The following CSMD1 variants were observed in gnomAD, a reference collection of about 807,000 sequenced individuals.
CSMD1 encodes the protein CUB and sushi domain-containing protein 1.
In CSMD1, 213 loss-of-function variants were observed where a neutral mutation model predicts 417.5. The ratio of observed to expected loss-of-function variants is 0.51; its 90% confidence interval spans 0.46 to 0.57. The LOEUF is 0.57. Among genes scored for constraint, CSMD1 ranks in the 20% least tolerant of loss-of-function variants. The pLI, the probability that CSMD1 is intolerant of heterozygous loss-of-function variation, is 0.00. For synonymous variants in CSMD1, 2,862 were observed against 1,736.8 expected, an observed-to-expected ratio of 1.65 and a Z score of -16.11; for missense variants, 6,923 against 4,529.7, an observed-to-expected ratio of 1.53 and a Z score of -15.17.
chr8:4,302,918 T>C (rs1280664595), intron 3 of CSMD1, among the ~76,000 whole-genome samples: 1 of 152,086 alleles, frequency 6.6e-6, no homozygotes, highest in African/African-American at 2.4e-5. Flanking sequence ...AAGACAGATT[T>C]TTTTTTTCTG....
intron 1 of CSMD1, among the ~76,000 whole-genome samples, chr8:4,943,772 C>T (rs143568193): frequency 1.3e-5 from 2 of 152,172 alleles, no homozygotes; most frequent in East Asian, 1.9e-4. Context: ...GTTACTTTCC[C>T]TGAAAATTGC....
At chr8:4,580,854 A>C (rs1799380911) in intron 2 of CSMD1, among the ~76,000 whole-genome samples, 1 of 152,232 alleles carries the variant, frequency 6.6e-6, no homozygotes, top group African/African-American at 2.4e-5. Flanking sequence ...ACTGGATTGT[A>C]AATTCACGGA....
chr8:3,449,537 G>A (rs975296772), intron 12 of CSMD1, among the ~76,000 whole-genome samples: 1 of 148,992 alleles, frequency 6.7e-6, no homozygotes, highest in African/African-American at 2.5e-5. Context: ...TTTTTTTTAA[G>A]ATGGAGTTTC....
chr8:3,242,574 C>A (rs1463703413), intron 26 of CSMD1, among the ~76,000 whole-genome samples: 1 of 151,974 alleles, frequency 6.6e-6, no homozygotes. Context: ...CGAGTTTGTA[C>A]TGGGGTCAAG....
chr8:4,058,577 A>G (rs12678879), intron 3 of CSMD1, among the ~76,000 whole-genome samples: 31,963 of 151,528 alleles, frequency 0.21, 4,291 homozygotes, highest in Admixed American at 0.42. Context: ...TATAGGCTCA[A>G]AATAAAAGGA....
chr8:4,559,501 G>T (rs993490484), intron 2 of CSMD1, among the ~76,000 whole-genome samples: 1 of 152,144 alleles, frequency 6.6e-6, no homozygotes, highest in East Asian at 1.9e-4. Flanking sequence ...CCTTTAGAAA[G>T]GTGAGAGACG....
At chr8:3,624,349 G>A (rs993849397) in intron 7 of CSMD1, among the ~76,000 whole-genome samples, 8 of 152,086 alleles carry the variant, frequency 5.3e-5, no homozygotes, top group Non-Finnish European at 1.2e-4. Context: ...GCCACAGATT[G>A]GCTTGAATGT....
At chr8:3,563,040 C>T (rs746442229) in intron 10 of CSMD1, among the ~76,000 whole-genome samples, 11 of 151,748 alleles carry the variant, frequency 7.2e-5, no homozygotes, top group Non-Finnish European at 1.3e-4. Flanking sequence ...GAATGCAATG[C>T]CATTCTTTGC....
At chr8:3,526,503 C>G (rs921767127) in intron 10 of CSMD1, among the ~76,000 whole-genome samples, 49 of 152,230 alleles carry the variant, frequency 3.2e-4, no homozygotes, top group African/African-American at 1.2e-3. Context: ...ACCAAGCATC[C>G]TACATAAAAC....
intron 6 of CSMD1, among the ~76,000 whole-genome samples, chr8:3,730,345 T>C (rs567911488): frequency 2.0e-5 from 3 of 148,740 alleles, no homozygotes; most frequent in South Asian, 4.3e-4. Flanking sequence ...ATTCTCCTCA[T>C]GCTCCCAAAA....
Position 3,820,343 on chromosome 8 carries a change from T to C in CSMD1, c.819-66301A>G, listed in dbSNP as rs145223320. 1.1e-3 allele frequency among the ~76,000 whole-genome samples: 170 copies of C among 152,184 alleles called. 1 individual carries two copies. The highest frequency in any genetic ancestry group is 4.8e-3 in the South Asian group (23 of 4,778). ...AGATGAATTCCTCTTAGATATATGG[T>C]GTTTGAACTGGGATATATGGTGTTT... On this transcript the variant is annotated intron_variant, in intron 5 of 69. Coordinates refer to ENST00000635120, the MANE Select transcript of CSMD1 (RefSeq NM_033225.6).
At chr8:3,782,119 G>C (rs146835474) in intron 5 of CSMD1, among the ~76,000 whole-genome samples, 21 of 152,092 alleles carry the variant, frequency 1.4e-4, no homozygotes, top group African/African-American at 5.1e-4. Context: ...AGAATGTAGG[G>C]GTCATATAAT....
intron 2 of CSMD1, among the ~76,000 whole-genome samples, chr8:4,507,559 A>G (rs2130321007): frequency 6.6e-6 from 1 of 152,322 alleles, no homozygotes; most frequent in South Asian, 2.1e-4. Context: ...ATTCTTATGC[A>G]TGGACATGCA....
At chr8:3,681,649 A>C (rs1799669346) in intron 7 of CSMD1, among the ~76,000 whole-genome samples, 1 of 152,170 alleles carries the variant, frequency 6.6e-6, no homozygotes, top group Non-Finnish European at 1.5e-5. Flanking sequence ...CATCCCCATC[A>C]AGCTACCAAT....
At chr8:4,225,516 T>A (rs1401110424) in intron 3 of CSMD1, among the ~76,000 whole-genome samples, 1 of 151,964 alleles carries the variant, frequency 6.6e-6, no homozygotes, top group Non-Finnish European at 1.5e-5. Context: ...TTTTTTTTTT[T>A]TTTATTCCTT....
chr8:3,808,775 A>G (rs762198824), intron 5 of CSMD1, among the ~76,000 whole-genome samples: 1 of 152,138 alleles, frequency 6.6e-6, no homozygotes. Context: ...AGCTTTAGGT[A>G]GTTTGTCTCG....
chr8:3,581,991 C>T (rs1800402444), intron 9 of CSMD1, among the ~76,000 whole-genome samples: 1 of 152,156 alleles, frequency 6.6e-6, no homozygotes, highest in Non-Finnish European at 1.5e-5. Flanking sequence ...GACAGAGTTT[C>T]ACTATGTTGG....
intron 3 of CSMD1, among the ~76,000 whole-genome samples, chr8:4,199,552 C>G (rs28668237): frequency 5.3e-5 from 8 of 152,230 alleles, no homozygotes; most frequent in Non-Finnish European, 4.4e-5. Context: ...ATCCTCTCGG[C>G]TACCAAAGGA....
chr8:3,996,676 C>G (rs942300255), intron 5 of CSMD1, among the ~76,000 whole-genome samples: 1 of 152,090 alleles, frequency 6.6e-6, no homozygotes, highest in Non-Finnish European at 1.5e-5. Flanking sequence ...CCTGGCTAAT[C>G]TAAAAGTGTT....
Sources: gnomAD v4.1 joint callset for allele counts (sites outside exome capture counted in the v4.1 genomes callset) on GRCh38, gnomAD v4.1.1 for gene constraint, MANE v1.5 for transcripts, NCBI Gene and HGNC (gene_info 2026-07-23, HGNC 2026-07-21) for gene names.